Variants in TFEC observed in about 807,000 individuals in gnomAD.
TFEC encodes the protein class E basic helix-loop-helix protein 34.
TFEC carries 31 observed loss-of-function variants against 41.6 expected under a neutral mutation model. That is an observed-to-expected ratio of 0.74 (90% CI 0.56 to 1.01). The LOEUF is 1.01. TFEC is among the 50% of genes least tolerant of loss of function. The probability of loss-of-function intolerance (pLI) is 0.00; values close to 1 mark genes in which losing one functional copy is unlikely to be tolerated. For missense variants in TFEC, 402 were observed against 404.1 expected (o/e 0.99, Z 0.04); for synonymous variants, 143 against 140.6 (o/e 1.02, Z -0.12).
intron 1 of TFEC, among the ~76,000 whole-genome samples, chr7:116,115,185 A>G (rs141688875): frequency 6.6e-6 from 1 of 152,032 alleles, no homozygotes; most frequent in South Asian, 2.1e-4. Flanking sequence ...GAAGTAATTC[A>G]GGCTCTTTAG....
At chr7:115,945,117 C>G (rs563169312) in intron 6 of TFEC, among the ~76,000 whole-genome samples, 1 of 114,898 alleles carries the variant, frequency 8.7e-6, no homozygotes, top group Non-Finnish European at 1.9e-5. Context: ...ATTTGCTAAA[C>G]TCAAACTAAA....
intron 6 of TFEC, among the ~76,000 whole-genome samples, chr7:115,946,763 C>G (rs188134023): frequency 6.7e-6 from 1 of 149,428 alleles, no homozygotes; most frequent in African/African-American, 2.5e-5. Context: ...CTTGAACTCC[C>G]GGCCTCAAAC....
chr7:116,111,278 C>A (rs568034769), intron 2 of TFEC, among the ~76,000 whole-genome samples: 1 of 151,938 alleles, frequency 6.6e-6, no homozygotes, highest in Non-Finnish European at 1.5e-5. Flanking sequence ...AAGGTGACTG[C>A]TGGGTTAATA....
intron 3 of TFEC, among the ~76,000 whole-genome samples, chr7:116,080,358 G>T (rs910250132): frequency 1.3e-5 from 2 of 152,082 alleles, no homozygotes; most frequent in African/African-American, 2.4e-5. Context: ...CACAGCAAAA[G>T]AAATAATCAG....
intron 3 of TFEC, among the ~76,000 whole-genome samples, chr7:116,083,147 G>T (rs891502094): frequency 6.6e-6 from 1 of 151,732 alleles, no homozygotes; most frequent in African/African-American, 2.4e-5. Context: ...GCATTAATTA[G>T]TATTTGACTA....
intron 3 of TFEC, among the ~76,000 whole-genome samples, chr7:115,971,236 T>C (rs984928466): frequency 2.0e-5 from 3 of 152,098 alleles, no homozygotes; most frequent in Middle Eastern, 3.4e-3. Flanking sequence ...AGCTGCTCCA[T>C]TATCTCAGAG....
At chr7:116,129,850 G>GTA (rs540883350) in intron 1 of TFEC, among the ~76,000 whole-genome samples, 225 of 152,028 alleles carry the variant, frequency 1.5e-3, no homozygotes, top group Non-Finnish European at 2.6e-3. Flanking sequence ...GAGAAGATGG[G>GTA]TATCATCATT....
chr7:115,976,202 T>A (rs1205108983), intron 2 of TFEC, among the ~76,000 whole-genome samples: 1 of 152,046 alleles, frequency 6.6e-6, no homozygotes. Flanking sequence ...GGCATGCAGA[T>A]CACTTGAGGT....
At position 115,935,697 on chromosome 7, in the gene TFEC, A is replaced by T. The variant is rs567007587; in HGVS notation, c.*4854T>A. The T allele has an allele frequency of 6.6e-5, 10 of 151,770 alleles. No individual in the cohort carries two copies. The South Asian group carries it at 2.1e-3, about 31-fold the overall frequency. The allele number at this position is 151,770 out of a possible 1,614,324, so 9.4% of individuals were successfully genotyped here. A position where few individuals can be genotyped will look rare whatever the true frequency, so the allele number is the denominator to read the frequency against. Reference sequence around the variant, plus strand: ...AACAAAATTTATATTCTATGGAAAAAATACAGTGACAATATAGAATTTTTG... The same window carrying T: ...AACAAAATTTATATTCTATGGAAAATATACAGTGACAATATAGAATTTTTG... On this transcript the variant is annotated 3_prime_UTR_variant, in exon 8 of 8. Coordinates refer to ENST00000265440, the MANE Select transcript of TFEC (RefSeq NM_012252.4).
intron 6 of TFEC, among the ~76,000 whole-genome samples, chr7:115,947,081 C>T (rs1031801683): frequency 1.5e-4 from 18 of 121,598 alleles, no homozygotes; most frequent in African/African-American, 5.3e-4. Flanking sequence ...TCCCCCCACC[C>T]CACAACAGTC....
At chr7:116,093,223 C>T (rs1362395170) in intron 3 of TFEC, among the ~76,000 whole-genome samples, 1 of 152,012 alleles carries the variant, frequency 6.6e-6, no homozygotes, top group Non-Finnish European at 1.5e-5. Flanking sequence ...GTGAACTCTG[C>T]AATGTGGTCC....
chr7:116,023,540 T>G (rs972999808), intron 1 of TFEC, among the ~76,000 whole-genome samples: 5 of 152,134 alleles, frequency 3.3e-5, no homozygotes, highest in Non-Finnish European at 7.4e-5. Context: ...TGAAGGAGCA[T>G]GAATGAATTG....
chr7:116,037,110 G>A (rs1795928744), intron 3 of TFEC, among the ~76,000 whole-genome samples: 1 of 151,998 alleles, frequency 6.6e-6, no homozygotes, highest in African/African-American at 2.4e-5. Flanking sequence ...AAAAAAGAAA[G>A]AATAATTTAT....
intron 3 of TFEC, among the ~76,000 whole-genome samples, chr7:116,096,455 G>A (rs779212530): frequency 1.3e-5 from 2 of 152,118 alleles, no homozygotes; most frequent in Non-Finnish European, 2.9e-5. Context: ...TGGAGCAGGT[G>A]GATCCTTGAC....
intron 1 of TFEC, among the ~76,000 whole-genome samples, chr7:115,997,762 AT>A (rs1271982398): frequency 6.6e-6 from 1 of 152,204 alleles, no homozygotes; most frequent in East Asian, 1.9e-4. Flanking sequence ...AGAGATTGAA[AT>A]AATTTTAAGC....
intron 3 of TFEC, among the ~76,000 whole-genome samples, chr7:116,059,506 T>G: frequency 6.6e-6 from 1 of 151,960 alleles, no homozygotes. Context: ...AAGTCAGTAT[T>G]GCCCTGAACC....
At chr7:116,125,140 G>T (rs1798183968) in intron 1 of TFEC, among the ~76,000 whole-genome samples, 1 of 152,090 alleles carries the variant, frequency 6.6e-6, no homozygotes, top group African/African-American at 2.4e-5. Flanking sequence ...ATAAGAAATG[G>T]ACAGCAGGTA....
intron 1 of TFEC, among the ~76,000 whole-genome samples, chr7:115,993,739 G>A (rs529244839): frequency 2.6e-5 from 4 of 152,152 alleles, no homozygotes; most frequent in South Asian, 4.2e-4. Context: ...TTCCATGCTC[G>A]TGGATAGGAA....
chr7:116,098,317 G>A (rs375417090), intron 3 of TFEC, among the ~76,000 whole-genome samples: 76 of 151,994 alleles, frequency 5.0e-4, no homozygotes, highest in Admixed American at 7.9e-4. Context: ...GCACCACCAC[G>A]CCCAGCTAAT....
Sources: gnomAD v4.1 joint callset for allele counts (sites outside exome capture counted in the v4.1 genomes callset) on GRCh38, gnomAD v4.1.1 for gene constraint, MANE v1.5 for transcripts, NCBI Gene and HGNC (gene_info 2026-07-23, HGNC 2026-07-21) for gene names.